ZNF335: variants seen among roughly 807,000 people sequenced by gnomAD.
ZNF335 encodes the protein zinc finger protein 335, also known as NRC-interacting factor 1.
ZNF335 carries 84 observed loss-of-function variants against 145.6 expected under a neutral mutation model. The observed-to-expected ratio is 0.58, with a 90% CI of 0.48 to 0.69. The LOEUF (loss-of-function observed/expected upper bound fraction) is 0.69, where lower values mean the gene tolerates loss of function less well. Ranked by LOEUF, ZNF335 falls within the 30% of genes least tolerant of loss-of-function variation. The pLI, the probability that ZNF335 is intolerant of heterozygous loss-of-function variation, is 0.00. For missense variants in ZNF335, 1,865 were observed against 1,809.7 expected, an observed-to-expected ratio of 1.03 and a Z score of -0.55; for synonymous variants, 761 against 717.0, an observed-to-expected ratio of 1.06 and a Z score of -0.98.
At chr20:45,951,182 G>A (rs181959334) in intron 20 of ZNF335, among the ~76,000 whole-genome samples, 8 of 152,370 alleles carry the variant, frequency 5.3e-5, no homozygotes, top group South Asian at 4.1e-4. Context: ...GTGAGCCACC[G>A]TGCCCGGCCC....
intron 19 of ZNF335, 28 bp downstream of exon 19, chr20:45,952,570 G>A (rs754693890): frequency 1.2e-6 from 2 of 1,612,716 alleles, no homozygotes; most frequent in East Asian, 4.5e-5. Context: ...AGGGAGGTGG[G>A]GGAGTGGTTG....
chr20:45,971,914 C>T, intron 1 of ZNF335: 3 of 985,434 alleles, frequency 3.0e-6, no homozygotes, highest in Non-Finnish European at 3.6e-6. Context: ...CTGTCCCCGG[C>T]GCTGCCTGTG....
In ZNF335 at chr20:45,960,205, G is replaced by T; in HGVS notation, c.2020+3C>A. On this transcript the variant is annotated splice_donor_region_variant and intron_variant, in intron 14 of 27. Transcript: ENST00000322927. ...AGTGGGGCTGGGGTGTGTCCAGCCT[G>T]ACCTGTGTGCTTGACAGCCACATGG... is the stretch of plus-strand genomic sequence containing the variant. 2 of 1,613,916 alleles carry T rather than the reference G, an allele frequency of 1.2e-6. No individual in the cohort carries two copies. The highest frequency in any genetic ancestry group is 1.7e-6 in the Non-Finnish European group (2 of 1,179,970).
At chr20:45,963,447 G>GC in intron 9 of ZNF335, 26 bp downstream of exon 9, 1 of 1,598,456 alleles carries the variant, frequency 6.3e-7, no homozygotes. Context: ...CCTCCCATGA[G>GC]CCCCAAGCCT....
At chr20:45,964,165 C>T (rs577377704) in intron 7 of ZNF335, 175 bp from the exon 8 acceptor site, 30 of 719,572 alleles carry the variant, frequency 4.2e-5, no homozygotes, top group Middle Eastern at 5.1e-4. Flanking sequence ...TGGATACTAC[C>T]GCCCAACAGC....
chr20:45,971,149 C>T (rs1358217156), intron 2 of ZNF335, 61 bp downstream of exon 2: 17 of 1,454,438 alleles, frequency 1.2e-5, no homozygotes, highest in African/African-American at 1.1e-4. Flanking sequence ...TTCCTCTTGG[C>T]TGTCAGGCAC....
intron 6 of ZNF335, 32 bp from the exon 7 acceptor site, chr20:45,965,806 A>T: frequency 1.3e-6 from 2 of 1,583,588 alleles, no homozygotes; most frequent in Non-Finnish European, 1.7e-6. Context: ...GTGAACAGTG[A>T]GTGGCGGGAC....
At chr20:45,955,537 G>C (rs1268082273) in intron 17 of ZNF335, among the ~76,000 whole-genome samples, 1 of 151,900 alleles carries the variant, frequency 6.6e-6, no homozygotes, top group Non-Finnish European at 1.5e-5. Context: ...CAAAGATGTT[G>C]GCTGGGTACG....
At position 45,950,524 on chromosome 20, in the gene ZNF335, CTTG is replaced by C. The variant is rs770984966; in HGVS notation, c.3258_3260del (p.Asn1086del). 6.2e-7 allele frequency: 1 copy of C among 1,614,186 alleles called. No individual in the cohort carries two copies. The highest frequency in any genetic ancestry group is 1.7e-5 in the Admixed American group (1 of 60,028). ...TCAGCATGTGCCGACGCAGGTCCTT[CTTG>C]TTCTTGGAGGCAAAGCTGCACTGGC... On this transcript the variant is annotated inframe_deletion, in exon 21 of 28. Transcript: ENST00000322927.
chr20:45,959,622 C>T (rs1274576896), intron 14 of ZNF335, among the ~76,000 whole-genome samples, 189 bp from the exon 15 acceptor site: 1 of 152,214 alleles, frequency 6.6e-6, no homozygotes, highest in Non-Finnish European at 1.5e-5. Flanking sequence ...CCGCCCTCTG[C>T]ACTCAAGAGC....
At chr20:45,968,251 C>G in intron 4 of ZNF335, 34 bp downstream of exon 4, 7 of 1,605,022 alleles carry the variant, frequency 4.4e-6, no homozygotes, top group Non-Finnish European at 6.0e-6. Context: ...CTGCCCACTG[C>G]AGGCCTCCCC....
In ZNF335 at chr20:45,967,905, A is replaced by G. The variant is rs2083989309; in HGVS notation, c.643T>C (p.Ser215Pro). Residue 215 changes from serine to proline, a missense_variant, in exon 5 of 28, where the codon TCC becomes CCC. By Grantham distance (74) the Ser-to-Pro change is moderately conservative. Coordinates refer to ENST00000322927, the MANE Select transcript of ZNF335 (RefSeq NM_022095.4). ...GAGGCTGGGGGCAGCTGCACCGGGG[A>G]GCTGGGCCCACCCTGTGCCTCCAGG... The part of the protein sequence containing the change: ...TCLEAQGGPS[S>P]PVQLPPASGA... 1 of 1,612,352 alleles carries G rather than the reference A, an allele frequency of 6.2e-7. No homozygotes were observed. The highest frequency in any genetic ancestry group is 1.7e-5 in the Admixed American group (1 of 59,966).
In ZNF335 at chr20:45,953,951, G is replaced by C; in HGVS notation, c.2443-3C>G. 6.3e-7 allele frequency: 1 copy of C among 1,582,090 alleles called. No homozygotes were observed. The highest frequency in any genetic ancestry group is 8.6e-7 in the Non-Finnish European group (1 of 1,162,542). Reference sequence around the variant, plus strand: ...TCTTCCGACTTCACCACAGCCACCTGCAACGGCACCAGGGGGCGGGATGGG... The same window carrying C: ...TCTTCCGACTTCACCACAGCCACCTCCAACGGCACCAGGGGGCGGGATGGG... On this transcript the variant is annotated splice_region_variant and splice_polypyrimidine_tract_variant and intron_variant, in intron 17 of 27. Coordinates refer to ENST00000322927, the MANE Select transcript of ZNF335 (RefSeq NM_022095.4).
intron 7 of ZNF335, among the ~76,000 whole-genome samples, chr20:45,964,990 C>T (rs546067885): frequency 3.3e-5 from 5 of 151,322 alleles, no homozygotes; most frequent in East Asian, 3.9e-4. Flanking sequence ...GAGATCATGA[C>T]GCTGCACTCC....
intron 1 of ZNF335, chr20:45,971,780 C>A: frequency 1.0e-6 from 1 of 985,284 alleles, no homozygotes; most frequent in Non-Finnish European, 1.2e-6. Flanking sequence ...TCGGCCCCCG[C>A]GTCCCCCCGG....
At chr20:45,961,485 A>AC (rs2083842543) in intron 10 of ZNF335, 1 of 125,600 alleles carries the variant, frequency 8.0e-6, no homozygotes, top group Admixed American at 7.6e-5. Context: ...TAGCCACAGA[A>AC]CCTTTTTTTT....
At chr20:45,968,078 G>A (rs760121944) in intron 4 of ZNF335, 51 bp from the exon 5 acceptor site, 54 of 1,605,830 alleles carry the variant, frequency 3.4e-5, no homozygotes, top group Non-Finnish European at 4.5e-5. Flanking sequence ...GGCAGCACTG[G>A]CCATGAGCTA....
At position 45,963,935 on chromosome 20, in the gene ZNF335, T is replaced by A; in HGVS notation, c.1158A>T (p.Pro386=). ...AGGAGCTGGGAGCCTCGGGATCCTGTGGCTCTGGAGGGCTCTGTCCACTCT... is the reference window on the plus strand; with the variant it reads ...AGGAGCTGGGAGCCTCGGGATCCTGAGGCTCTGGAGGGCTCTGTCCACTCT... ...SSQSGQSPPE[P]QDPEAPSSSG... The change falls in exon 8 of 28, where the codon CCA becomes CCT. Residue 386 remains proline, a synonymous_variant. Transcript: ENST00000322927. 1 of 1,563,242 alleles carries A rather than the reference T, an allele frequency of 6.4e-7. No individual in the cohort carries two copies. Among genetic ancestry groups the A allele is most frequent in the Non-Finnish European group, 8.7e-7 (1 of 1,154,202 alleles).
intron 10 of ZNF335, 32 bp downstream of exon 10, chr20:45,962,038 C>CT: frequency 2.0e-5 from 24 of 1,213,240 alleles, no homozygotes; most frequent in Non-Finnish European, 2.5e-5. Context: ...CCTGGCCTCT[C>CT]TTGCCCAGGT....
Sources: gnomAD v4.1 joint callset for allele counts (sites outside exome capture counted in the v4.1 genomes callset) on GRCh38, gnomAD v4.1.1 for gene constraint, MANE v1.5 for transcripts, NCBI Gene and HGNC (gene_info 2026-07-23, HGNC 2026-07-21) for gene names.